Variants in EPG5 observed in about 807,000 individuals in gnomAD.
EPG5 encodes the protein ectopic P-granules 5 autophagy tethering factor, also known as ectopic P granules protein 5 homolog.
A neutral mutation model predicts 302.7 loss-of-function variants in EPG5; 159 were observed. That is an observed-to-expected ratio of 0.53 (90% CI 0.46 to 0.60). The LOEUF (loss-of-function observed/expected upper bound fraction) is 0.60, where lower values mean the gene tolerates loss of function less well. Among genes scored for constraint, EPG5 ranks in the 20% least tolerant of loss-of-function variants. The pLI, the probability that EPG5 is intolerant of heterozygous loss-of-function variation, is 0.00. For missense variants in EPG5, 2,896 were observed against 3,092.4 expected (o/e 0.94, Z 1.51); for synonymous variants, 1,158 against 1,136.8 (o/e 1.02, Z -0.37).
chr18:45,952,501 TAAG>T lies in EPG5; in HGVS notation c.1148_1150del (p.Ser383del). 6.2e-7 allele frequency: 1 copy of T among 1,614,188 alleles called. No individual in the cohort carries two copies. The highest frequency in any genetic ancestry group is 1.3e-5 in the African/African-American group (1 of 75,046). Reference sequence around the variant, plus strand: ...TTGCAATCTTGAGAGCACAGAAGTATAAGAATGAAGGGCCAGGGTCTGGTGGAG... The same window carrying T: ...TTGCAATCTTGAGAGCACAGAAGTATAATGAAGGGCCAGGGTCTGGTGGAG... On this transcript the variant is annotated inframe_deletion, in exon 3 of 44. Coordinates refer to ENST00000282041, the MANE Select transcript of EPG5 (RefSeq NM_020964.3).
In EPG5 at chr18:45,964,209, A is replaced by C. The variant is rs116740613; in HGVS notation, c.63+2968T>G. Reference sequence around the variant, plus strand: ...TTAGAAATTGTTTTAAACAAAATAAATTAAGAGGGAATCCCCTTAACAGAC... The same window carrying C: ...TTAGAAATTGTTTTAAACAAAATAACTTAAGAGGGAATCCCCTTAACAGAC... On this transcript the variant is annotated intron_variant, in intron 1 of 43. Coordinates refer to ENST00000282041, the MANE Select transcript of EPG5 (RefSeq NM_020964.3). Among the ~76,000 whole-genome samples the C allele has an allele frequency of 7.0e-3, 1,060 of 152,368 alleles. 9 individuals are homozygous for C. Among genetic ancestry groups the C allele is most frequent in the African/African-American group, 0.024 (996 of 41,586 alleles).
intron 14 of EPG5, 28 bp downstream of exon 14, chr18:45,925,710 G>A: frequency 1.4e-6 from 2 of 1,428,126 alleles, no homozygotes; most frequent in Non-Finnish European, 1.8e-6. Flanking sequence ...ACAACCTCCA[G>A]TCTCCAGGGA....
At chr18:45,862,533 G>A (rs748572495) in intron 39 of EPG5, among the ~76,000 whole-genome samples, 2 of 152,156 alleles carry the variant, frequency 1.3e-5, no homozygotes, top group Non-Finnish European at 2.9e-5. Flanking sequence ...GAATGGTTTA[G>A]CACCATCCTC....
chr18:45,868,592 C>G (rs1057178742), intron 36 of EPG5, among the ~76,000 whole-genome samples: 2 of 151,014 alleles, frequency 1.3e-5, no homozygotes, highest in Non-Finnish European at 3.0e-5. Context: ...TGGTCTTGAA[C>G]CCCCAGCCTC....
chr18:45,810,787 A>G, the EPG5 span, among the ~76,000 whole-genome samples: 1 of 152,112 alleles, frequency 6.6e-6, no homozygotes, highest in Admixed American at 6.6e-5. Context: ...TCTAACAACA[A>G]CAAAAAAAAA....
At chr18:45,890,681 G>A (rs2049324440) in intron 27 of EPG5, among the ~76,000 whole-genome samples, 3 of 152,140 alleles carry the variant, frequency 2.0e-5, no homozygotes, top group African/African-American at 7.2e-5. Flanking sequence ...CTGACTGATA[G>A]TGACATACAT....
intron 1 of EPG5, among the ~76,000 whole-genome samples, chr18:45,959,739 C>T (rs1026795396): frequency 6.6e-6 from 1 of 151,630 alleles, no homozygotes; most frequent in African/African-American, 2.4e-5. Flanking sequence ...CAGCACTTTG[C>T]GAGGCTGAGG....
intron 1 of EPG5, among the ~76,000 whole-genome samples, chr18:45,966,084 A>T (rs1427494822): frequency 6.7e-6 from 1 of 149,414 alleles, no homozygotes; most frequent in African/African-American, 2.5e-5. Context: ...AAACAAAACA[A>T]AACATAGGCT....
rs1174930322 is a variant in EPG5, at chr18:45,883,614, G to GTTT, written c.5304+1000_5304+1002dup. 9.9e-4 allele frequency among the ~76,000 whole-genome samples: 60 copies of GTTT among 60,710 alleles called. 1 individual carries two copies. Among genetic ancestry groups the GTTT allele is most frequent in the African/African-American group, 2.0e-3 (35 of 17,074 alleles). 39.8% of individuals were successfully genotyped at this position (60,710 alleles called of 152,430 possible). On this transcript the variant is annotated intron_variant, in intron 30 of 43. Coordinates refer to ENST00000282041, the MANE Select transcript of EPG5 (RefSeq NM_020964.3). The stretch of plus-strand genomic sequence containing the variant: ...TAGCTGGGAGTACCACTAGCCTGGT[G>GTTT]TTTTTTTTTTTTTTTTTTTTTTTTT...
At chr18:45,893,747 G>A (rs1171601891) in intron 27 of EPG5, among the ~76,000 whole-genome samples, 1 of 152,122 alleles carries the variant, frequency 6.6e-6, no homozygotes, top group African/African-American at 2.4e-5. Flanking sequence ...ACAGTAAGCA[G>A]TGTATAGTAT....
chr18:45,922,711 T>G, intron 15 of EPG5, 111 bp from the exon 16 acceptor site: 1 of 1,298,650 alleles, frequency 7.7e-7, no homozygotes, highest in South Asian at 1.4e-5. Flanking sequence ...AGAGGAATAT[T>G]CTACTTGCTG....
At position 45,954,597 on chromosome 18, in the gene EPG5, G is replaced by A; in HGVS notation, c.805C>T (p.Leu269=). Residue 269 remains leucine, a synonymous_variant, in exon 2 of 44, where the codon CTG becomes TTG. Coordinates refer to ENST00000282041, the MANE Select transcript of EPG5 (RefSeq NM_020964.3). ...TCTAAATATGACTCAACATTTTCCA[G>A]CCATGAACCAGGCTCCAAGATTTTT... ...QLKILEPGSW[L]ENVESYLEEF... is the part of the protein sequence containing the mutation. 1 of 1,614,208 alleles carries A rather than the reference G, an allele frequency of 6.2e-7. No individual in the cohort carries two copies. The highest frequency in any genetic ancestry group is 8.5e-7 in the Non-Finnish European group (1 of 1,180,038).
chr18:45,954,312 G>A (rs2050975161), intron 2 of EPG5, 82 bp downstream of exon 2: 7 of 1,297,146 alleles, frequency 5.4e-6, no homozygotes, highest in Non-Finnish European at 7.5e-6. Context: ...CAGAGTGGGT[G>A]TAAGGCACAG....
Position 45,889,945 on chromosome 18 carries a change from C to A in EPG5, c.4810-5G>T. 6.4e-7 allele frequency: 1 copy of A among 1,563,124 alleles called. No homozygotes were observed. Among genetic ancestry groups the A allele is most frequent in the Non-Finnish European group, 8.7e-7 (1 of 1,151,674 alleles). ...ATTCTTATGCATGCCTTCAAACTAA[C>A]AAAAATTAAAGTTATCAAAAGACAT... On this transcript the variant is annotated splice_polypyrimidine_tract_variant and splice_region_variant and intron_variant, in intron 27 of 43. Transcript: ENST00000282041.
At chr18:45,953,872 C>T (rs1599647312) in intron 2 of EPG5, 5 of 985,314 alleles carry the variant, frequency 5.1e-6, no homozygotes, top group Non-Finnish European at 6.0e-6. Context: ...ATCATAACAC[C>T]TTCAGTTTCC....
rs2048435335 is a variant in EPG5, at chr18:45,852,399, A to C, written c.*68T>G. On this transcript the variant is annotated 3_prime_UTR_variant, in exon 44 of 44. Transcript: ENST00000282041. The stretch of plus-strand genomic sequence containing the variant: ...CTCTACAGTGCAATTGAGCAAAGTT[A>C]CTTGTGCAACAGCAAAGTTAAATGT... 6.8e-7 allele frequency: 1 copy of C among 1,468,410 alleles called. No individual in the cohort carries two copies. The highest frequency in any genetic ancestry group is 9.3e-7 in the Non-Finnish European group (1 of 1,076,792). The allele number at this position is 1,468,410 out of a possible 1,614,324, so 91.0% of individuals were successfully genotyped here. A position where few individuals can be genotyped will look rare whatever the true frequency, so the allele number is the denominator to read the frequency against.
At chr18:45,825,685 T>C in the EPG5 span, 5 of 1,605,058 alleles carry the variant, frequency 3.1e-6, no homozygotes, top group Non-Finnish European at 1.7e-6. Context: ...ACTGGGGAGG[T>C]GGCCGAGAGC....
chr18:45,835,079 A>G, the EPG5 span, among the ~76,000 whole-genome samples: 8 of 149,726 alleles, frequency 5.3e-5, no homozygotes, highest in Admixed American at 1.3e-4. Context: ...ATTTGTCCAG[A>G]AAAAAAAAAG....
chr18:45,952,831 G>A (rs1237042898), intron 2 of EPG5, among the ~76,000 whole-genome samples, 188 bp from the exon 3 acceptor site: 1 of 152,150 alleles, frequency 6.6e-6, no homozygotes, highest in Admixed American at 6.5e-5. Context: ...GGAACAGAAG[G>A]CCAATCACAA....
Sources: gnomAD v4.1 joint callset for allele counts (sites outside exome capture counted in the v4.1 genomes callset) on GRCh38, gnomAD v4.1.1 for gene constraint, MANE v1.5 for transcripts, NCBI Gene and HGNC (gene_info 2026-07-23, HGNC 2026-07-21) for gene names.